ACACB: variants seen among roughly 807,000 people sequenced by gnomAD.
ACACB encodes acetyl-CoA carboxylase beta.
ACACB carries 209 observed loss-of-function variants against 278.8 expected under a neutral mutation model. That is an observed-to-expected ratio of 0.75 (90% CI 0.67 to 0.84). The LOEUF (loss-of-function observed/expected upper bound fraction) is 0.84. Ranked by LOEUF, ACACB falls within the 40% of genes least tolerant of loss-of-function variation. The pLI, the probability that ACACB is intolerant of heterozygous loss-of-function variation, is 0.00. For missense variants in ACACB, 2,850 were observed against 3,269.0 expected (o/e 0.87, Z 3.13); for synonymous variants, 1,174 against 1,285.6 (o/e 0.91, Z 1.86).
chr12:109,224,532 TTTATTA>T (rs34249818), intron 27 of ACACB, among the ~76,000 whole-genome samples: 1 of 149,892 alleles, frequency 6.7e-6, no homozygotes, highest in Non-Finnish European at 1.5e-5. Context: ...AATCTGCTCT[TTTATTA>T]TTATTATTAT....
Position 109,201,638 on chromosome 12 carries a change from C to T in ACACB, c.2850C>T (p.Ala950=), listed in dbSNP as rs371074254. Residue 950 remains alanine, a synonymous_variant, in exon 19 of 53, where the codon GCC becomes GCT. Transcript: ENST00000338432. ...GRVKYIKRPG[A]VLEAGCVVAR... is the part of the protein sequence containing the mutation. The stretch of plus-strand genomic sequence containing the variant: ...TGAAGTACATCAAGCGTCCAGGTGC[C>T]GTGCTGGAAGCAGGCTGCGTGGTGG... The T allele has an allele frequency of 8.7e-6, 14 of 1,614,046 alleles. No individual in the cohort carries two copies. The highest frequency in any genetic ancestry group is 1.2e-5 in the Non-Finnish European group (14 of 1,180,036).
chr12:109,197,291 C>A, intron 17 of ACACB, 138 bp downstream of exon 17: 2 of 1,104,048 alleles, frequency 1.8e-6, no homozygotes, highest in African/African-American at 1.7e-5. Flanking sequence ...TGGGGGTGTG[C>A]AGAGAAGTTA....
intron 2 of ACACB, among the ~76,000 whole-genome samples, chr12:109,157,958 A>T (rs2043595994): frequency 6.6e-6 from 1 of 152,182 alleles, no homozygotes; most frequent in African/African-American, 2.4e-5. Context: ...CCTGCATGCA[A>T]ATATTGGCTG....
At chr12:109,197,274 T>A in intron 17 of ACACB, 121 bp downstream of exon 17, 1 of 1,242,164 alleles carries the variant, frequency 8.1e-7, no homozygotes, top group Non-Finnish European at 1.1e-6. Flanking sequence ...GCCTTTCTGG[T>A]AAATTCTGGG....
At chr12:109,132,336 T>C (rs979164849) in intron 1 of ACACB, among the ~76,000 whole-genome samples, 1 of 152,010 alleles carries the variant, frequency 6.6e-6, no homozygotes, top group Non-Finnish European at 1.5e-5. Flanking sequence ...AGCTAATTTT[T>C]GTATTTTTTA....
At chr12:109,199,870 G>A (rs892533859) in intron 18 of ACACB, among the ~76,000 whole-genome samples, 4 of 151,880 alleles carry the variant, frequency 2.6e-5, no homozygotes, top group Admixed American at 1.3e-4. Flanking sequence ...AAAATTAGCC[G>A]GGCATGGTGG....
At chr12:109,159,789 C>T (rs1231423066) in intron 2 of ACACB, among the ~76,000 whole-genome samples, 2 of 151,920 alleles carry the variant, frequency 1.3e-5, no homozygotes, top group African/African-American at 2.4e-5. Context: ...AGCAAAATTT[C>T]CCCCAGTTAA....
rs73398054 is a variant in ACACB, at chr12:109,199,429, G to C, written c.2655G>C (p.Thr885=). The change falls in exon 18 of 53, where the codon ACG becomes ACC. Residue 885 remains threonine, a synonymous_variant. Coordinates refer to ENST00000338432, the MANE Select transcript of ACACB (RefSeq NM_001093.4). ...ACCGAATTACCATCGGCAATAAGAC[G>C]TGTGTGTTTGAGAAGGAGAACGATC... is the stretch of plus-strand genomic sequence containing the variant. ...DSYRITIGNK[T]CVFEKENDPT... 5.9e-6 allele frequency: 9 copies of C among 1,537,780 alleles called. No homozygotes were observed. In the East Asian group the frequency reaches 1.8e-4, roughly 30 times the overall value.
chr12:109,172,005 G>A, intron 5 of ACACB, 91 bp downstream of exon 5: 2 of 1,108,414 alleles, frequency 1.8e-6, no homozygotes, highest in Non-Finnish European at 2.7e-6. Context: ...AAGGGGTGGA[G>A]GGTCCAGATC....
intron 15 of ACACB, 122 bp downstream of exon 15, chr12:109,192,072 G>A (rs769022613): frequency 3.9e-5 from 40 of 1,018,426 alleles, no homozygotes; most frequent in Middle Eastern, 3.1e-4. Flanking sequence ...TCTCTCCTCC[G>A]GTCTTGCCTC....
intron 20 of ACACB, 52 bp downstream of exon 20, chr12:109,206,908 A>G (rs2045535428): frequency 6.2e-7 from 1 of 1,600,996 alleles, no homozygotes; most frequent in Non-Finnish European, 8.6e-7. Flanking sequence ...GGGTCAGAAG[A>G]TCTACCCCGT....
Position 109,191,381 on chromosome 12 carries a change from G to A in ACACB, c.2145-232G>A, listed in dbSNP as rs1390729923. ...GGCGTCCTCCACCATGCTGAGCTAA[G>A]TTTTGTATTTTTGGTAGAGATGGGG... On this transcript the variant is annotated intron_variant, in intron 13 of 52. Transcript: ENST00000338432. 5 of 404,158 alleles carry A rather than the reference G, an allele frequency of 1.2e-5. No homozygotes were observed. In the East Asian group the frequency reaches 2.7e-4, roughly 22 times the overall value. The allele number at this position is 404,158 out of a possible 1,614,324, so 25.0% of individuals were successfully genotyped here.
intron 45 of ACACB, among the ~76,000 whole-genome samples, chr12:109,257,332 AT>A (rs2047254747): frequency 6.6e-6 from 1 of 151,366 alleles, no homozygotes; most frequent in Admixed American, 6.6e-5. Context: ...AAAAAAAAAA[AT>A]CCACTCCTTC....
chr12:109,145,465 C>T (rs949093403), intron 2 of ACACB, among the ~76,000 whole-genome samples: 1 of 152,142 alleles, frequency 6.6e-6, no homozygotes, highest in Non-Finnish European at 1.5e-5. Flanking sequence ...CACCATGCCA[C>T]CTTTCCAAAT....
chr12:109,171,594 C>T (rs1320043792), intron 4 of ACACB, among the ~76,000 whole-genome samples: 1 of 152,212 alleles, frequency 6.6e-6, no homozygotes, highest in Non-Finnish European at 1.5e-5. Context: ...AGGCCATCTG[C>T]CTGCCTCGGC....
intron 7 of ACACB, among the ~76,000 whole-genome samples, chr12:109,174,451 G>T (rs1031905560): frequency 1.3e-5 from 2 of 149,844 alleles, no homozygotes; most frequent in Non-Finnish European, 3.0e-5. Context: ...GTACAAAAAA[G>T]AAATGGAAAT....
chr12:109,194,610 C>CTGTGTGTGTGTGTG (rs144545047), intron 16 of ACACB, among the ~76,000 whole-genome samples: 22 of 95,410 alleles, frequency 2.3e-4, no homozygotes, highest in South Asian at 6.6e-4. Flanking sequence ...GCCTCTGCCT[C>CTGTGTGTGTGTGTG]TGTGTGTGTG....
chr12:109,181,350 C>A (rs948699981), intron 11 of ACACB, among the ~76,000 whole-genome samples: 1 of 151,630 alleles, frequency 6.6e-6, no homozygotes, highest in Admixed American at 6.6e-5. Flanking sequence ...GCCTCAGCCT[C>A]CCTAGTAGTT....
intron 1 of ACACB, among the ~76,000 whole-genome samples, chr12:109,130,170 T>C (rs2042787110): frequency 6.6e-6 from 1 of 152,180 alleles, no homozygotes; most frequent in African/African-American, 2.4e-5. Context: ...TGGTGAATGC[T>C]GATGGCTCAG....
Sources: allele counts gnomAD v4.1 joint callset (sites outside exome capture counted in the v4.1 genomes callset), GRCh38; gene constraint gnomAD v4.1.1; transcripts MANE v1.5; gene names NCBI Gene and HGNC (gene_info 2026-07-23, HGNC 2026-07-21).